Variants in CADM2 observed in about 807,000 individuals in gnomAD.
CADM2 encodes the protein cell adhesion molecule 2.
In CADM2, 12 loss-of-function variants were observed where a neutral mutation model predicts 49.8. That is an observed-to-expected ratio of 0.24 (90% CI 0.15 to 0.39). The LOEUF is 0.39. Ranked by LOEUF, CADM2 falls within the 10% of genes least tolerant of loss-of-function variation. CADM2 has a pLI of 1.00. For synonymous variants in CADM2, 214 were observed against 175.4 expected (o/e 1.22, Z -1.74); for missense variants, 378 against 492.3 (o/e 0.77, Z 2.20).
chr3:86,046,001 C>G (rs917546969), intron 8 of CADM2, among the ~76,000 whole-genome samples: 1 of 152,122 alleles, frequency 6.6e-6, no homozygotes, highest in African/African-American at 2.4e-5. Flanking sequence ...TTTCCAGCCT[C>G]ATTTTCTTCC....
chr3:85,963,516 C>A (rs1725098476), intron 8 of CADM2, among the ~76,000 whole-genome samples: 1 of 151,846 alleles, frequency 6.6e-6, no homozygotes, highest in South Asian at 2.1e-4. Flanking sequence ...CTATCTGATT[C>A]ACCTTAATTT....
In CADM2 at chr3:85,405,648, T is replaced by C. The variant is rs192722716; in HGVS notation, c.62-320874T>C. Among the ~76,000 whole-genome samples the C allele has an allele frequency of 6.8e-4, 104 of 152,252 alleles. 1 individual carries two copies. The highest frequency in any genetic ancestry group is 2.4e-3 in the African/African-American group (98 of 41,566). On this transcript the variant is annotated intron_variant, in intron 1 of 9. Transcript: ENST00000383699. The stretch of plus-strand genomic sequence containing the variant: ...AAAGTAAAGATGAAAGTAGCGTTCC[T>C]ATAGAAATTAAAAAGCCTTGATTCC...
At chr3:86,050,486 C>T (rs1175385972) in intron 8 of CADM2, among the ~76,000 whole-genome samples, 1 of 152,162 alleles carries the variant, frequency 6.6e-6, no homozygotes, top group Non-Finnish European at 1.5e-5. Context: ...TAGGCAGTGC[C>T]CCAGTGGGGA....
rs1041309512 is a variant in CADM2 at position 85,984,333 on chromosome 3, GTTTAA to G, written c.970+22693_970+22697del. Among the ~76,000 whole-genome samples, 19 of 151,126 alleles carry G rather than the reference GTTTAA, an allele frequency of 1.3e-4. No homozygotes were observed. The East Asian group carries it at 3.5e-3, about 28-fold the overall frequency. ...TATAAGCATTATTTTAGCATGGAAT[GTTTAA>G]TTTAATAACGTTCTCATTTTTATCA... On this transcript the variant is annotated intron_variant, in intron 8 of 9. Transcript: ENST00000383699.
At chr3:85,586,816 C>G (rs532754247) in intron 1 of CADM2, among the ~76,000 whole-genome samples, 1 of 152,126 alleles carries the variant, frequency 6.6e-6, no homozygotes, top group Non-Finnish European at 1.5e-5. Context: ...GAAAAGTATC[C>G]ATGACACTCC....
rs559832669 is a variant in CADM2, at chr3:85,083,128, A to G, written c.61+123460A>G. 3.9e-5 allele frequency among the ~76,000 whole-genome samples: 6 copies of G among 152,302 alleles called. No homozygotes were observed. The East Asian group carries it at 9.7e-4, about 25-fold the overall frequency. ...TATATACATAGTATATGTGTATTAT[A>G]TTATATACATGTGTTATGGAAACAC... On this transcript the variant is annotated intron_variant, in intron 1 of 9. Transcript: ENST00000383699.
At chr3:85,373,656 C>G (rs1462291222) in intron 1 of CADM2, among the ~76,000 whole-genome samples, 1 of 152,200 alleles carries the variant, frequency 6.6e-6, no homozygotes, top group African/African-American at 2.4e-5. Context: ...CAGCACACCT[C>G]TGCCTGGACA....
At chr3:85,510,751 TTTCA>T (rs1271958579) in intron 1 of CADM2, among the ~76,000 whole-genome samples, 2 of 152,048 alleles carry the variant, frequency 1.3e-5, no homozygotes, top group Non-Finnish European at 2.9e-5. Context: ...TCAATTAGTC[TTTCA>T]TTCATCTATC....
intron 8 of CADM2, among the ~76,000 whole-genome samples, 168 bp downstream of exon 8, chr3:85,961,815 T>G (rs539234799): frequency 2.2e-4 from 33 of 152,090 alleles, no homozygotes; most frequent in Admixed American, 3.9e-4. Flanking sequence ...TATTAATATA[T>G]TCCCAGTCAG....
chr3:85,763,956 A>G (rs991181964), intron 2 of CADM2, among the ~76,000 whole-genome samples: 1 of 152,118 alleles, frequency 6.6e-6, no homozygotes, highest in South Asian at 2.1e-4. Flanking sequence ...TTGGCTTACA[A>G]GAACTTTGTC....
chr3:86,001,862 A>C (rs1207092358), intron 8 of CADM2, among the ~76,000 whole-genome samples: 1 of 152,132 alleles, frequency 6.6e-6, no homozygotes, highest in Non-Finnish European at 1.5e-5. Context: ...TTTGGAAGTC[A>C]TTGCTGTATA....
At chr3:85,193,871 C>T (rs1282845902) in intron 1 of CADM2, among the ~76,000 whole-genome samples, 2 of 152,054 alleles carry the variant, frequency 1.3e-5, no homozygotes, top group Non-Finnish European at 2.9e-5. Flanking sequence ...CCAAATGCTA[C>T]CTAGGAGGGC....
At chr3:85,076,930 C>T (rs2036968239) in intron 1 of CADM2, among the ~76,000 whole-genome samples, 1 of 152,102 alleles carries the variant, frequency 6.6e-6, no homozygotes. Context: ...CAAGATTGTG[C>T]CACTGCACTC....
intron 1 of CADM2, among the ~76,000 whole-genome samples, chr3:85,632,393 GACTAAA>G (rs1206944914): frequency 2.6e-5 from 4 of 152,058 alleles, no homozygotes; most frequent in Admixed American, 6.6e-5. Flanking sequence ...TGTGAAAACA[GACTAAA>G]ACAACTTCTT....
At chr3:85,752,097 G>C (rs892955128) in intron 2 of CADM2, among the ~76,000 whole-genome samples, 1 of 151,986 alleles carries the variant, frequency 6.6e-6, no homozygotes, top group African/African-American at 2.4e-5. Flanking sequence ...ACTACCCCAT[G>C]GTTGGTAACA....
intron 7 of CADM2, among the ~76,000 whole-genome samples, chr3:85,958,913 G>A (rs549884344): frequency 6.6e-6 from 1 of 151,734 alleles, no homozygotes; most frequent in African/African-American, 2.4e-5. Context: ...TTGGGGGTGA[G>A]GGGAGGGAAC....
At chr3:85,185,333 A>G (rs2107712302) in intron 1 of CADM2, among the ~76,000 whole-genome samples, 1 of 152,114 alleles carries the variant, frequency 6.6e-6, no homozygotes, top group African/African-American at 2.4e-5. Flanking sequence ...AAAAAATGAA[A>G]AAAAAAAATG....
intron 1 of CADM2, among the ~76,000 whole-genome samples, chr3:85,333,431 T>C (rs1388276661): frequency 6.6e-6 from 1 of 151,780 alleles, no homozygotes; most frequent in Non-Finnish European, 1.5e-5. Context: ...TATATGTAAA[T>C]GCTTAGAAAC....
chr3:85,649,954 A>G (rs530803104), intron 1 of CADM2, among the ~76,000 whole-genome samples: 5 of 152,324 alleles, frequency 3.3e-5, no homozygotes, highest in Admixed American at 3.3e-4. Context: ...GAAGCAATCA[A>G]TAGCCGTTAT....
Sources: gnomAD v4.1 joint callset for allele counts (sites outside exome capture counted in the v4.1 genomes callset) on GRCh38, gnomAD v4.1.1 for gene constraint, MANE v1.5 for transcripts, NCBI Gene and HGNC (gene_info 2026-07-23, HGNC 2026-07-21) for gene names.